The following RBMS3 variants were observed in gnomAD, a reference collection of about 807,000 sequenced individuals.
The protein encoded by RBMS3 is RNA binding motif single stranded interacting protein 3.
A neutral mutation model predicts 66.8 loss-of-function variants in RBMS3; 27 were observed. The ratio of observed to expected loss-of-function variants is 0.40; its 90% confidence interval spans 0.30 to 0.56. The LOEUF (loss-of-function observed/expected upper bound fraction) is 0.56, where lower values mean the gene tolerates loss of function less well. Among genes scored for constraint, RBMS3 ranks in the 20% least tolerant of loss-of-function variants. The probability of loss-of-function intolerance (pLI) is 0.40; values close to 1 mark genes in which losing one functional copy is unlikely to be tolerated. For synonymous variants in RBMS3, 188 were observed against 183.0 expected, an observed-to-expected ratio of 1.03 and a Z score of -0.22; for missense variants, 513 against 549.5, an observed-to-expected ratio of 0.93 and a Z score of 0.66.
intron 6 of RBMS3, among the ~76,000 whole-genome samples, chr3:29,835,915 T>C (rs1173475578): frequency 6.6e-6 from 1 of 151,498 alleles, no homozygotes; most frequent in African/African-American, 2.4e-5. Context: ...TAAATAAATA[T>C]GATCAGAAAT....
intron 14 of RBMS3, among the ~76,000 whole-genome samples, chr3:29,995,602 G>T (rs1699175944): frequency 6.6e-6 from 1 of 150,732 alleles, no homozygotes; most frequent in Non-Finnish European, 1.5e-5. Context: ...AAGAGAGTGG[G>T]GGCCAATATT....
At chr3:29,700,738 G>A (rs2052529458) in intron 4 of RBMS3, among the ~76,000 whole-genome samples, 1 of 151,866 alleles carries the variant, frequency 6.6e-6, no homozygotes, top group African/African-American at 2.4e-5. Context: ...GGGGAGTTAG[G>A]GGAGAAGGGA....
At chr3:29,914,211 C>G (rs757789264) in intron 10 of RBMS3, among the ~76,000 whole-genome samples, 1 of 151,904 alleles carries the variant, frequency 6.6e-6, no homozygotes, top group Non-Finnish European at 1.5e-5. Flanking sequence ...TCAAAACTGA[C>G]TCAGGAAATT....
chr3:29,772,720 G>A (rs1425777084), intron 6 of RBMS3, among the ~76,000 whole-genome samples: 29 of 151,908 alleles, frequency 1.9e-4, no homozygotes, highest in Non-Finnish European at 8.8e-5. Context: ...GTAATCAGAC[G>A]TCACCTAGAA....
At chr3:29,756,895 C>T (rs2055441711) in intron 5 of RBMS3, among the ~76,000 whole-genome samples, 1 of 152,130 alleles carries the variant, frequency 6.6e-6, no homozygotes, top group Non-Finnish European at 1.5e-5. Flanking sequence ...GGGCTCACTA[C>T]CCTCCTGGCA....
intron 11 of RBMS3, among the ~76,000 whole-genome samples, chr3:29,940,097 G>A (rs1451122125): frequency 6.6e-6 from 1 of 151,784 alleles, no homozygotes; most frequent in African/African-American, 2.4e-5. Flanking sequence ...TACTTTTCAA[G>A]TCCCACTGAT....
chr3:29,394,623 A>G (rs1183737902), intron 1 of RBMS3, among the ~76,000 whole-genome samples: 1 of 152,196 alleles, frequency 6.6e-6, no homozygotes, highest in Non-Finnish European at 1.5e-5. Context: ...GGAACTAATA[A>G]ACGTCCATGA....
chr3:29,723,313 C>G (rs2053723526), intron 4 of RBMS3, among the ~76,000 whole-genome samples: 2 of 152,100 alleles, frequency 1.3e-5, no homozygotes, highest in South Asian at 4.1e-4. Context: ...TCGTTCTAGC[C>G]TAAATAAATT....
At chr3:29,480,273 C>T (rs1193331756) in intron 2 of RBMS3, among the ~76,000 whole-genome samples, 5 of 152,158 alleles carry the variant, frequency 3.3e-5, no homozygotes, top group Non-Finnish European at 7.3e-5. Context: ...ATCAGAAACT[C>T]GGGGGTTGAG....
intron 1 of RBMS3, among the ~76,000 whole-genome samples, chr3:29,383,902 A>G (rs995760426): frequency 6.6e-6 from 1 of 152,248 alleles, no homozygotes; most frequent in Non-Finnish European, 1.5e-5. Context: ...GAAAAGGCAA[A>G]GTGTGAAGTA....
At chr3:29,895,687 G>T (rs986144094) in intron 8 of RBMS3, among the ~76,000 whole-genome samples, 2 of 151,462 alleles carry the variant, frequency 1.3e-5, no homozygotes, top group Admixed American at 1.3e-4. Context: ...AATAAAGTCT[G>T]TATAAACATT....
chr3:29,925,867 A>C (rs2060924739), intron 10 of RBMS3, among the ~76,000 whole-genome samples: 1 of 152,214 alleles, frequency 6.6e-6, no homozygotes, highest in Non-Finnish European at 1.5e-5. Context: ...AAACTAAAAA[A>C]AATGTTAAAA....
chr3:29,843,015 T>C (rs922445923), intron 6 of RBMS3, among the ~76,000 whole-genome samples: 2 of 152,188 alleles, frequency 1.3e-5, no homozygotes, highest in East Asian at 3.9e-4. Flanking sequence ...ACAACAGCCA[T>C]AGGAAACTAA....
intron 1 of RBMS3, among the ~76,000 whole-genome samples, chr3:29,401,362 CA>C (rs983619607): frequency 1.3e-5 from 2 of 151,780 alleles, no homozygotes; most frequent in East Asian, 1.9e-4. Context: ...TTTACCTCCA[CA>C]AAAAAAACTT....
chr3:29,473,701 CA>C (rs1411627508), intron 2 of RBMS3, among the ~76,000 whole-genome samples: 38 of 152,354 alleles, frequency 2.5e-4, no homozygotes, highest in African/African-American at 8.9e-4. Flanking sequence ...AGTGGGCCGG[CA>C]CTGCTGGGGG....
chr3:29,892,802 A>AGTATGTATGTATGTAT (rs370739212), intron 8 of RBMS3, among the ~76,000 whole-genome samples: 24 of 140,298 alleles, frequency 1.7e-4, no homozygotes, highest in Non-Finnish European at 2.8e-4. Flanking sequence ...CTCTGCTTGA[A>AGTATGTATGTATGTAT]GTATGTATGT....
At chr3:29,942,761 A>G (rs1028228897) in intron 11 of RBMS3, among the ~76,000 whole-genome samples, 6 of 151,456 alleles carry the variant, frequency 4.0e-5, no homozygotes, top group Admixed American at 6.6e-5. Flanking sequence ...TTAAAATGTC[A>G]TAAGTATATT....
At chr3:29,836,604 A>C (rs780399055) in intron 6 of RBMS3, among the ~76,000 whole-genome samples, 5 of 152,044 alleles carry the variant, frequency 3.3e-5, no homozygotes, top group Non-Finnish European at 7.4e-5. Flanking sequence ...TGTTAGTATA[A>C]GATTAATAAG....
chr3:29,697,983 G>T (rs964260134), intron 4 of RBMS3, among the ~76,000 whole-genome samples: 1 of 152,126 alleles, frequency 6.6e-6, no homozygotes. Flanking sequence ...ACCAACTTCT[G>T]TCCTTTTGTT....
Sources: gnomAD v4.1 joint callset for allele counts (sites outside exome capture counted in the v4.1 genomes callset) on GRCh38, gnomAD v4.1.1 for gene constraint, MANE v1.5 for transcripts, NCBI Gene and HGNC (gene_info 2026-07-23, HGNC 2026-07-21) for gene names.